TMEM132B: variants seen among roughly 807,000 people sequenced by gnomAD.
The protein encoded by TMEM132B is transmembrane protein 132B.
In TMEM132B, 18 loss-of-function variants were observed where a neutral mutation model predicts 90.8. The observed-to-expected ratio is 0.20, with a 90% CI of 0.14 to 0.29. TMEM132B has a LOEUF of 0.29. Among genes scored for constraint, TMEM132B ranks in the 10% least tolerant of loss-of-function variants. TMEM132B has a pLI of 1.00. For missense variants in TMEM132B, 1,096 were observed against 1,326.8 expected (o/e 0.83, Z 2.70); for synonymous variants, 504 against 523.3 (o/e 0.96, Z 0.50).
At chr12:125,559,808 T>C (rs1024497669) in intron 4 of TMEM132B, among the ~76,000 whole-genome samples, 1 of 152,146 alleles carries the variant, frequency 6.6e-6, no homozygotes, top group Non-Finnish European at 1.5e-5. Context: ...TTGTCTCCGA[T>C]TGACACATGC....
intron 3 of TMEM132B, among the ~76,000 whole-genome samples, chr12:125,419,402 A>G (rs184779480): frequency 6.6e-6 from 1 of 152,368 alleles, no homozygotes; most frequent in East Asian, 1.9e-4. Flanking sequence ...AATAAGGAGC[A>G]AAGTCACATC....
At chr12:125,229,393 T>G (rs1873763595) in intron 1 of TMEM132B, among the ~76,000 whole-genome samples, 1 of 152,204 alleles carries the variant, frequency 6.6e-6, no homozygotes. Context: ...GCCTCGAAGG[T>G]CCTTACCGTC....
At chr12:125,466,375 G>T (rs770924305) in intron 3 of TMEM132B, among the ~76,000 whole-genome samples, 2 of 152,178 alleles carry the variant, frequency 1.3e-5, no homozygotes, top group Non-Finnish European at 2.9e-5. Context: ...TCTGTTCCCT[G>T]ATATCGGAGG....
rs191006861 is a variant in TMEM132B at position 125,602,823 on chromosome 12, T to C, written c.1437+18829T>C. Among the ~76,000 whole-genome samples, 7 of 151,884 alleles carry C rather than the reference T, an allele frequency of 4.6e-5. No homozygotes were observed. In the East Asian group the frequency reaches 1.4e-3, roughly 30 times the overall value. ...CACAGGCATCCCTATATACCAACAA[T>C]AGACAGAGAGCCAAATCATGAATGA... On this transcript the variant is annotated intron_variant, in intron 5 of 8. Coordinates refer to ENST00000682704, the MANE Select transcript of TMEM132B (RefSeq NM_001366854.1).
At chr12:125,392,260 G>T (rs886850577) in intron 2 of TMEM132B, among the ~76,000 whole-genome samples, 1 of 152,196 alleles carries the variant, frequency 6.6e-6, no homozygotes, top group Non-Finnish European at 1.5e-5. Flanking sequence ...CTTACCTGAA[G>T]GCTGGAAGCT....
At chr12:125,558,773 A>G (rs79085863) in intron 4 of TMEM132B, among the ~76,000 whole-genome samples, 3,245 of 152,306 alleles carry the variant, frequency 0.021, 121 homozygotes, top group African/African-American at 0.075. Flanking sequence ...TAAGCTATCA[A>G]TTGATCCACC....
chr12:125,616,894 T>C (rs1886001521), intron 5 of TMEM132B, among the ~76,000 whole-genome samples: 1 of 152,200 alleles, frequency 6.6e-6, no homozygotes, highest in East Asian at 1.9e-4. Context: ...TTTCTCCATG[T>C]GCATTAAGAA....
intron 4 of TMEM132B, among the ~76,000 whole-genome samples, chr12:125,534,760 G>A (rs984300478): frequency 5.9e-5 from 9 of 151,546 alleles, no homozygotes; most frequent in South Asian, 2.1e-4. Context: ...AGTTACATCC[G>A]CTCTTTCAGA....
intron 1 of TMEM132B, among the ~76,000 whole-genome samples, chr12:125,347,493 C>T (rs1206351280): frequency 6.6e-6 from 1 of 152,126 alleles, no homozygotes; most frequent in African/African-American, 2.4e-5. Context: ...GAAAGCTCAC[C>T]AAGCACAGCC....
intron 1 of TMEM132B, among the ~76,000 whole-genome samples, chr12:125,216,984 G>A (rs773762870): frequency 6.6e-5 from 10 of 152,234 alleles, no homozygotes; most frequent in South Asian, 4.1e-4. Flanking sequence ...CCACTCGGCC[G>A]CGCAGATGCC....
intron 3 of TMEM132B, among the ~76,000 whole-genome samples, chr12:125,511,484 C>A (rs2136631936): frequency 6.6e-6 from 1 of 151,930 alleles, no homozygotes; most frequent in African/African-American, 2.4e-5. Context: ...ACTCTCATCT[C>A]TTTTTTCAGT....
Position 125,657,527 on chromosome 12 carries a change from C to G in TMEM132B, c.*2817C>G. On this transcript the variant is annotated 3_prime_UTR_variant, in exon 9 of 9. Coordinates refer to ENST00000682704, the MANE Select transcript of TMEM132B (RefSeq NM_001366854.1). ...GAAGATCATAAACCATGGGTTATAG[C>G]ACCTTGTTTTCCAGCTAGTCAATAT... 1 of 152,154 alleles carries G rather than the reference C, an allele frequency of 6.6e-6. No homozygotes were observed. Among genetic ancestry groups the G allele is most frequent in the Non-Finnish European group, 1.5e-5 (1 of 68,040 alleles). The allele number at this position is 152,154 out of a possible 1,614,324, so 9.4% of individuals were successfully genotyped here.
intron 1 of TMEM132B, among the ~76,000 whole-genome samples, chr12:125,261,636 T>C (rs1874570589): frequency 6.6e-6 from 1 of 152,228 alleles, no homozygotes. Context: ...AGCTATGTGA[T>C]TAACCAACGG....
At chr12:125,345,874 C>T (rs982919182) in intron 1 of TMEM132B, among the ~76,000 whole-genome samples, 15 of 152,244 alleles carry the variant, frequency 9.9e-5, no homozygotes, top group Middle Eastern at 3.4e-3. Flanking sequence ...GCGGGCCACA[C>T]GGTCTACCTG....
intron 5 of TMEM132B, among the ~76,000 whole-genome samples, chr12:125,636,725 G>T (rs554932475): frequency 6.6e-6 from 1 of 152,156 alleles, no homozygotes; most frequent in Non-Finnish European, 1.5e-5. Flanking sequence ...TGTCCCATAC[G>T]GGAAATAGAA....
rs1185790583 is a variant in TMEM132B, at chr12:125,633,305, A to G, written c.1438-10771A>G. On this transcript the variant is annotated intron_variant, in intron 5 of 8. Coordinates refer to ENST00000682704, the MANE Select transcript of TMEM132B (RefSeq NM_001366854.1). ...TCAATCTCTTTGTTAAATTGATCTG[A>G]TAGAATTCTGAATTCCTTCTCTGTG... Among the ~76,000 whole-genome samples the G allele has an allele frequency of 2.2e-4, 33 of 152,176 alleles. 1 individual carries two copies. Among genetic ancestry groups the G allele is most frequent in the Admixed American group, 2.2e-3 (33 of 15,278 alleles).
chr12:125,411,160 TG>T (rs1566027552), intron 2 of TMEM132B, among the ~76,000 whole-genome samples: 1 of 44,984 alleles, frequency 2.2e-5, no homozygotes, highest in Non-Finnish European at 4.5e-5. Context: ...AGTGGAGGAG[TG>T]GAGTGGAGTG....
At chr12:125,259,224 C>A (rs1054953722) in intron 1 of TMEM132B, among the ~76,000 whole-genome samples, 1 of 152,200 alleles carries the variant, frequency 6.6e-6, no homozygotes, top group Non-Finnish European at 1.5e-5. Context: ...TTGTCTCCCC[C>A]ACTAGATTAA....
chr12:125,328,736 GTGGA>G, intron 1 of TMEM132B, among the ~76,000 whole-genome samples: 1 of 152,160 alleles, frequency 6.6e-6, no homozygotes, highest in East Asian at 1.9e-4. Context: ...AAGGTTCCAG[GTGGA>G]TGTGTTTTGG....
Sources: gnomAD v4.1 joint callset for allele counts (sites outside exome capture counted in the v4.1 genomes callset) on GRCh38, gnomAD v4.1.1 for gene constraint, MANE v1.5 for transcripts, NCBI Gene and HGNC (gene_info 2026-07-23, HGNC 2026-07-21) for gene names.